TRAPPC9: variants seen among roughly 807,000 people sequenced by gnomAD.
The protein encoded by TRAPPC9 is IKK2 binding protein.
Under a neutral mutation model 124.0 loss-of-function variants are expected in TRAPPC9, and 83 were observed. The observed-to-expected ratio is 0.67, with a 90% confidence interval of 0.56 to 0.80. The LOEUF (loss-of-function observed/expected upper bound fraction) is 0.80, where lower values mean the gene tolerates loss of function less well. Among genes scored for constraint, TRAPPC9 ranks in the 30% least tolerant of loss-of-function variants. The probability of loss-of-function intolerance (pLI) is 0.00; values close to 1 mark genes in which losing one functional copy is unlikely to be tolerated. For missense variants in TRAPPC9, 1,302 were observed against 1,508.3 expected, an observed-to-expected ratio of 0.86 and a Z score of 2.27; for synonymous variants, 638 against 617.5, an observed-to-expected ratio of 1.03 and a Z score of -0.49.
intron 19 of TRAPPC9, among the ~76,000 whole-genome samples, chr8:139,939,371 C>T (rs1057036499): frequency 2.0e-5 from 3 of 152,126 alleles, no homozygotes; most frequent in East Asian, 1.9e-4. Flanking sequence ...GAGAGGGGGC[C>T]GGGAAGCGGG....
In TRAPPC9 at chr8:140,311,429, TGGC is replaced by T. The variant is rs1450379116; in HGVS notation, c.1496-58_1496-56del. ...TGTATTAGGCAAAAGTCAAAGTGGC[TGGC>T]TTTCATTTTACTTGGGGCATTTCAT... On this transcript the variant is annotated intron_variant, in intron 9 of 22. Coordinates refer to ENST00000438773, the MANE Select transcript of TRAPPC9 (RefSeq NM_001160372.4). 3.1e-6 allele frequency: 5 copies of T among 1,601,584 alleles called. No individual in the cohort carries two copies. In the Admixed American group the frequency reaches 8.3e-5, roughly 27 times the overall value.
intron 17 of TRAPPC9, among the ~76,000 whole-genome samples, chr8:140,069,520 A>G (rs574028267): frequency 6.9e-6 from 1 of 145,082 alleles, no homozygotes; most frequent in East Asian, 2.0e-4. Context: ...CAACTTATAA[A>G]TGAGTATAAT....
intron 6 of TRAPPC9, 131 bp downstream of exon 6, chr8:140,405,446 T>C: frequency 1.0e-6 from 1 of 989,584 alleles, no homozygotes; most frequent in Non-Finnish European, 1.5e-6. Flanking sequence ...GTACTATGCA[T>C]TAGAGAGCAA....
At chr8:139,816,785 T>C (rs1195118396) in intron 21 of TRAPPC9, among the ~76,000 whole-genome samples, 1 of 152,106 alleles carries the variant, frequency 6.6e-6, no homozygotes, top group Non-Finnish European at 1.5e-5. Context: ...AAGGACACTG[T>C]CTTGGGTCCG....
chr8:140,018,182 T>G (rs1587504142), intron 18 of TRAPPC9, among the ~76,000 whole-genome samples: 1 of 152,124 alleles, frequency 6.6e-6, no homozygotes, highest in African/African-American at 2.4e-5. Flanking sequence ...TTTCTCTTTA[T>G]CATGTTTTGT....
In TRAPPC9 at chr8:139,827,429, C is replaced by T. The variant is rs560753001; in HGVS notation, c.3055+58450G>A. Among the ~76,000 whole-genome samples, 12 of 152,350 alleles carry T rather than the reference C, an allele frequency of 7.9e-5. No individual in the cohort carries two copies. The East Asian group carries it at 1.2e-3, about 15-fold the overall frequency. On this transcript the variant is annotated intron_variant, in intron 21 of 22. Coordinates refer to ENST00000438773, the MANE Select transcript of TRAPPC9 (RefSeq NM_001160372.4). ...CTTCTTGCAGCTTCTGAAGACACCA[C>T]GGCAAGCTGGGAACCCCCTGATGGG...
At chr8:140,210,535 C>A (rs538623467) in intron 17 of TRAPPC9, among the ~76,000 whole-genome samples, 2 of 152,176 alleles carry the variant, frequency 1.3e-5, no homozygotes, top group African/African-American at 4.8e-5. Context: ...TCTTCCATGT[C>A]CCCCCACGCC....
chr8:140,263,099 C>T (rs1436116240), intron 15 of TRAPPC9, among the ~76,000 whole-genome samples: 1 of 152,218 alleles, frequency 6.6e-6, no homozygotes, highest in Non-Finnish European at 1.5e-5. Flanking sequence ...GATACGATGG[C>T]CACCATGTAG....
At chr8:139,973,905 C>G (rs986943758) in intron 19 of TRAPPC9, among the ~76,000 whole-genome samples, 3 of 152,130 alleles carry the variant, frequency 2.0e-5, no homozygotes, top group Non-Finnish European at 2.9e-5. Context: ...GCGAACCTCC[C>G]CACACACCCT....
At chr8:140,149,401 C>T (rs1271542099) in intron 17 of TRAPPC9, among the ~76,000 whole-genome samples, 5 of 152,210 alleles carry the variant, frequency 3.3e-5, no homozygotes, top group Non-Finnish European at 5.9e-5. Flanking sequence ...GGGTGGATCA[C>T]TTGAGCTCGG....
intron 17 of TRAPPC9, among the ~76,000 whole-genome samples, chr8:140,148,735 G>A (rs1287774855): frequency 2.0e-5 from 3 of 152,136 alleles, no homozygotes; most frequent in East Asian, 3.9e-4. Context: ...TTCATTTAGA[G>A]ACTCATATCC....
At chr8:140,006,872 T>A (rs1362114721) in intron 18 of TRAPPC9, among the ~76,000 whole-genome samples, 1 of 152,172 alleles carries the variant, frequency 6.6e-6, no homozygotes. Context: ...CAGGGTTTCT[T>A]CTGGGAGGAT....
chr8:139,798,353 T>G (rs920061523), intron 21 of TRAPPC9, among the ~76,000 whole-genome samples: 2 of 152,222 alleles, frequency 1.3e-5, no homozygotes, highest in African/African-American at 4.8e-5. Context: ...TATACCAATC[T>G]TGCACGGCAA....
At chr8:140,293,489 G>C (rs553316504) in intron 11 of TRAPPC9, among the ~76,000 whole-genome samples, 1 of 152,296 alleles carries the variant, frequency 6.6e-6, no homozygotes, top group Non-Finnish European at 1.5e-5. Context: ...TGATAGACTG[G>C]ATTAAGGCCA....
intron 17 of TRAPPC9, among the ~76,000 whole-genome samples, chr8:140,210,203 G>T (rs1183999105): frequency 6.6e-6 from 1 of 152,196 alleles, no homozygotes; most frequent in Non-Finnish European, 1.5e-5. Flanking sequence ...GCTGGCCCAG[G>T]GCCGAGCCTG....
At chr8:140,113,094 C>T (rs2060813113) in intron 17 of TRAPPC9, among the ~76,000 whole-genome samples, 1 of 152,150 alleles carries the variant, frequency 6.6e-6, no homozygotes, top group Admixed American at 6.5e-5. Flanking sequence ...TTGGGAATTT[C>T]AGGGGTTGGA....
At chr8:139,773,966 G>A (rs1821165388) in intron 21 of TRAPPC9, among the ~76,000 whole-genome samples, 1 of 152,202 alleles carries the variant, frequency 6.6e-6, no homozygotes, top group African/African-American at 2.4e-5. Flanking sequence ...GACAGCGGTC[G>A]ACCCTACGAA....
At chr8:140,090,276 A>G (rs535644194) in intron 17 of TRAPPC9, among the ~76,000 whole-genome samples, 1 of 152,206 alleles carries the variant, frequency 6.6e-6, no homozygotes, top group East Asian at 1.9e-4. Flanking sequence ...ATATATACAC[A>G]CGGAAACACA....
At chr8:140,206,269 T>G (rs2062914800) in intron 17 of TRAPPC9, among the ~76,000 whole-genome samples, 3 of 152,218 alleles carry the variant, frequency 2.0e-5, no homozygotes, top group Admixed American at 2.0e-4. Flanking sequence ...AAAACAATTA[T>G]CTTTTATGTT....
Sources: gnomAD v4.1 joint callset for allele counts (sites outside exome capture counted in the v4.1 genomes callset) on GRCh38, gnomAD v4.1.1 for gene constraint, MANE v1.5 for transcripts, NCBI Gene and HGNC (gene_info 2026-07-23, HGNC 2026-07-21) for gene names.